Variants in NIBAN2 observed in about 807,000 individuals in gnomAD.
NIBAN2 encodes niban apoptosis regulator 2.
Under a neutral mutation model 81.8 loss-of-function variants are expected in NIBAN2, and 36 were observed. The ratio of observed to expected loss-of-function variants is 0.44; its 90% CI spans 0.34 to 0.58. NIBAN2 has a LOEUF of 0.58. Ranked by LOEUF, NIBAN2 falls within the 20% of genes least tolerant of loss-of-function variation. The pLI is 0.02. For synonymous variants in NIBAN2, 445 were observed against 441.6 expected, an observed-to-expected ratio of 1.01 and a Z score of -0.10; for missense variants, 897 against 1,014.1, an observed-to-expected ratio of 0.88 and a Z score of 1.57.
intron 1 of NIBAN2, among the ~76,000 whole-genome samples, chr9:127,567,713 C>G (rs1002160911): frequency 6.6e-6 from 1 of 152,196 alleles, no homozygotes; most frequent in Non-Finnish European, 1.5e-5. Flanking sequence ...GTGCTCAGGG[C>G]CCACTAGACA....
In NIBAN2 at chr9:127,523,779, C is replaced by T; in HGVS notation, c.489G>A (p.Trp163Ter). 6.2e-7 allele frequency: 1 copy of T among 1,614,074 alleles called. No individual in the cohort carries two copies. The highest frequency in any genetic ancestry group is 8.5e-7 in the Non-Finnish European group (1 of 1,179,994). ...KCPTQFPLIL[W>*]HPYARHYYFC... is the part of the protein sequence containing the mutation. ...AGTAGTAGTGACGCGCATAAGGATG[C>T]CAGAGGATGAGCGGGAACTGTGTGG... The change falls in exon 5 of 14, where the codon TGG becomes TGA. Residue 163 changes from tryptophan (W) to a stop codon, truncating the protein, a stop_gained. Coordinates refer to ENST00000373312, the MANE Select transcript of NIBAN2 (RefSeq NM_022833.4). LOFTEE classifies it high-confidence loss of function.
chr9:127,509,235 G>GA, intron 9 of NIBAN2, 104 bp from the exon 10 acceptor site: 1 of 1,186,372 alleles, frequency 8.4e-7, no homozygotes, highest in Non-Finnish European at 1.2e-6. Context: ...CCTGGGGCTG[G>GA]CGCCTGCTAC....
rs1836991132 is a variant in NIBAN2, at chr9:127,523,205, AT to A, written c.589+473del. Among the ~76,000 whole-genome samples the A allele has an allele frequency of 3.4e-4, 4 of 11,762 alleles. 2 individuals are homozygous for A. Among genetic ancestry groups the A allele is most frequent in the African/African-American group, 1.5e-3 (4 of 2,674 alleles). The allele number at this position is 11,762 out of a possible 152,430, so 7.7% of individuals were successfully genotyped here. ...AAAAAAAAAAAAAATATATATATAT[AT>A]ATATATATATATATATATATATATA... On this transcript the variant is annotated intron_variant, in intron 5 of 13. Coordinates refer to ENST00000373312, the MANE Select transcript of NIBAN2 (RefSeq NM_022833.4).
At position 127,507,076 on chromosome 9, in the gene NIBAN2, G is replaced by C; in HGVS notation, c.2010C>G (p.Gly670=). ...GLRPESPPPA[G]PLLNGAPAGE... is the part of the protein sequence containing the mutation. ...CAGCGGGGGCCCCGTTGAGCAGGGG[G>C]CCGGCTGGTGGGGGGCTCTCAGGCC... The change falls in exon 14 of 14, where the codon GGC becomes GGG. Residue 670 remains glycine (G), a synonymous_variant. Coordinates refer to ENST00000373312, the MANE Select transcript of NIBAN2 (RefSeq NM_022833.4). This position sits in a 1 kb window ranked among gnomAD's most constrained non-coding sequence, Gnocchi z 6.8. 1 of 1,575,294 alleles carries C rather than the reference G, an allele frequency of 6.3e-7. No individual in the cohort carries two copies. Among genetic ancestry groups the C allele is most frequent in the Non-Finnish European group, 8.6e-7 (1 of 1,160,536 alleles).
chr9:127,551,084 C>T (rs568839398), intron 1 of NIBAN2, among the ~76,000 whole-genome samples: 5 of 152,198 alleles, frequency 3.3e-5, no homozygotes, highest in Admixed American at 6.5e-5. Context: ...ACAGATGGAA[C>T]GGCACTTTGA....
intron 1 of NIBAN2, among the ~76,000 whole-genome samples, chr9:127,549,347 C>T (rs1837530966): frequency 1.3e-5 from 2 of 151,650 alleles, no homozygotes; most frequent in South Asian, 2.1e-4. Flanking sequence ...CTCACACTCA[C>T]ATGCATGCCA....
Position 127,563,626 on chromosome 9 carries a change from G to T in NIBAN2, c.55+5194C>A, listed in dbSNP as rs1306750743. ...CAACCTCCACCTCCCGGGTTCAAGCGATTCTTGTGCCGCAGCCTCCCAAGT... is the reference window on the plus strand; with the variant it reads ...CAACCTCCACCTCCCGGGTTCAAGCTATTCTTGTGCCGCAGCCTCCCAAGT... On this transcript the variant is annotated intron_variant, in intron 1 of 13. Transcript: ENST00000373312. The surrounding 1 kb of genome is among the most constrained non-coding windows in gnomAD (Gnocchi z 4.1). Among the ~76,000 whole-genome samples, 1 of 151,898 alleles carries T rather than the reference G, an allele frequency of 6.6e-6. No homozygotes were observed. Among genetic ancestry groups the T allele is most frequent in the Non-Finnish European group, 1.5e-5 (1 of 67,986 alleles).
At chr9:127,553,104 G>C (rs1837608167) in intron 1 of NIBAN2, among the ~76,000 whole-genome samples, 2 of 152,066 alleles carry the variant, frequency 1.3e-5, no homozygotes, top group Non-Finnish European at 2.9e-5. Context: ...TGGGTGGTAG[G>C]ATTATCGGTG....
chr9:127,512,729 C>G (rs1836759942), intron 8 of NIBAN2, among the ~76,000 whole-genome samples: 1 of 152,188 alleles, frequency 6.6e-6, no homozygotes, highest in Non-Finnish European at 1.5e-5. Flanking sequence ...AATCAACTTT[C>G]TAATTTAACT....
At chr9:127,542,858 G>A (rs1159546864) in intron 1 of NIBAN2, among the ~76,000 whole-genome samples, 1 of 152,240 alleles carries the variant, frequency 6.6e-6, no homozygotes, top group African/African-American at 2.4e-5. Flanking sequence ...CAGTAGCTGG[G>A]ATTACAGGCA....
rs1443430029 is a variant in NIBAN2, at chr9:127,559,902, AC to A, written c.55+8917del. On this transcript the variant is annotated intron_variant, in intron 1 of 13. Coordinates refer to ENST00000373312, the MANE Select transcript of NIBAN2 (RefSeq NM_022833.4). This position sits in a 1 kb window ranked among gnomAD's most constrained non-coding sequence, Gnocchi z 4.0. Reference sequence around the variant, plus strand: ...AACCAGGAGCCGATGCTCCCTAAGCACAAAGAGCTAAGGCCACATCATCTCA... The same window carrying A: ...AACCAGGAGCCGATGCTCCCTAAGCAAAAGAGCTAAGGCCACATCATCTCA... Among the ~76,000 whole-genome samples, 1 of 152,202 alleles carries A rather than the reference AC, an allele frequency of 6.6e-6. No individual in the cohort carries two copies. The highest frequency in any genetic ancestry group is 2.4e-5 in the African/African-American group (1 of 41,452).
At chr9:127,519,447 G>A (rs1019651813) in intron 5 of NIBAN2, among the ~76,000 whole-genome samples, 1 of 152,292 alleles carries the variant, frequency 6.6e-6, no homozygotes, top group South Asian at 2.1e-4. Flanking sequence ...TCTGACCACC[G>A]CATCCCCAAA....
chr9:127,547,274 T>C (rs1837488732), intron 1 of NIBAN2, among the ~76,000 whole-genome samples: 1 of 152,126 alleles, frequency 6.6e-6, no homozygotes, highest in Non-Finnish European at 1.5e-5. Context: ...CTCACGCCTA[T>C]AATCCCAGCA....
chr9:127,557,497 G>C (rs1837693856), intron 1 of NIBAN2, among the ~76,000 whole-genome samples: 1 of 152,172 alleles, frequency 6.6e-6, no homozygotes, highest in Admixed American at 6.5e-5. Flanking sequence ...CGGGGGCTCA[G>C]CCCCAATTGC....
In NIBAN2 at chr9:127,507,166, C is replaced by T; in HGVS notation, c.1920G>A (p.Glu640=). The T allele has an allele frequency of 6.2e-7, 1 of 1,611,872 alleles. No individual in the cohort carries two copies. The highest frequency in any genetic ancestry group is 1.7e-4 in the Middle Eastern group (1 of 6,020). ...EVGLPFEASP[E]SPPPASPDGV... is the part of the protein sequence containing the mutation. ...CGTCCGGGGACGCAGGTGGTGGTGA[C>T]TCAGGGCTAGCCTCAAAGGGCAGCC... is the stretch of plus-strand genomic sequence containing the variant. The change falls in exon 14 of 14, where the codon GAG becomes GAA. Residue 640 remains glutamate (E), a synonymous_variant. Coordinates refer to ENST00000373312, the MANE Select transcript of NIBAN2 (RefSeq NM_022833.4). This position sits in a 1 kb window ranked among gnomAD's most constrained non-coding sequence, Gnocchi z 6.8.
chr9:127,511,407 A>C (rs1836733570), intron 8 of NIBAN2, among the ~76,000 whole-genome samples: 1 of 151,882 alleles, frequency 6.6e-6, no homozygotes, highest in Non-Finnish European at 1.5e-5. Context: ...TGTGTTATCC[A>C]GGCTGGTCTC....
intron 1 of NIBAN2, among the ~76,000 whole-genome samples, chr9:127,549,811 C>G (rs1368686252): frequency 6.6e-6 from 1 of 152,194 alleles, no homozygotes; most frequent in African/African-American, 2.4e-5. Context: ...CTAAGCTCAG[C>G]GAGCAGCAGG....
chr9:127,539,612 G>A (rs1003617802), intron 1 of NIBAN2, among the ~76,000 whole-genome samples: 3 of 152,142 alleles, frequency 2.0e-5, no homozygotes, highest in Admixed American at 6.5e-5. Flanking sequence ...TGGGAGGGTG[G>A]GTCCCTGTCA....
At chr9:127,577,040 G>C (rs973831779) in intron 1 of NIBAN2, among the ~76,000 whole-genome samples, 1 of 151,668 alleles carries the variant, frequency 6.6e-6, no homozygotes, top group African/African-American at 2.4e-5. Context: ...AACAGATGAG[G>C]CCAGGTGCAG....
Sources: allele counts gnomAD v4.1 joint callset (sites outside exome capture counted in the v4.1 genomes callset), GRCh38; gene constraint gnomAD v4.1.1; non-coding constraint Gnocchi (gnomAD v3.1); transcripts MANE v1.5; gene names NCBI Gene and HGNC (gene_info 2026-07-23, HGNC 2026-07-21).